The following SUN5 variants were observed in gnomAD, a reference collection of about 807,000 sequenced individuals.
SUN5 encodes SUN domain-containing protein 5.
Under a neutral mutation model 53.7 loss-of-function variants are expected in SUN5, and 44 were observed. The observed-to-expected ratio is 0.82, with a 90% confidence interval of 0.64 to 1.05. SUN5 has a LOEUF of 1.05. Among genes scored for constraint, SUN5 ranks in the 50% least tolerant of loss-of-function variants. The pLI, the probability that SUN5 is intolerant of heterozygous loss-of-function variation, is 0.00. For synonymous variants in SUN5, 166 were observed against 179.8 expected (o/e 0.92, Z 0.62); for missense variants, 433 against 483.8 (o/e 0.90, Z 0.98).
chr20:32,987,465 C>T (rs1344440433), intron 10 of SUN5, among the ~76,000 whole-genome samples, 195 bp downstream of exon 10: 2 of 150,270 alleles, frequency 1.3e-5, no homozygotes, highest in African/African-American at 2.5e-5. Flanking sequence ...TTCTCCCCAG[C>T]CCCCGCCTTG....
intron 4 of SUN5, 79 bp downstream of exon 4, chr20:33,001,133 A>C (rs1307057924): frequency 6.7e-7 from 1 of 1,495,018 alleles, no homozygotes; most frequent in Non-Finnish European, 9.1e-7. Context: ...GGGAGATCCA[A>C]ACTGATGGAG....
chr20:32,989,939 A>G (rs1989668705), intron 8 of SUN5, among the ~76,000 whole-genome samples: 1 of 152,154 alleles, frequency 6.6e-6, no homozygotes, highest in Admixed American at 6.5e-5. Flanking sequence ...GAGGTCCCGG[A>G]GTCTCAGTGA....
At chr20:33,001,774 T>C (rs1990053061) in intron 3 of SUN5, among the ~76,000 whole-genome samples, 1 of 150,320 alleles carries the variant, frequency 6.7e-6, no homozygotes, top group South Asian at 2.1e-4. Context: ...GTTCAAGCGA[T>C]TCTCTTGCCT....
chr20:32,984,322 G>A (rs1056664690), intron 12 of SUN5, among the ~76,000 whole-genome samples: 2 of 151,750 alleles, frequency 1.3e-5, no homozygotes, highest in East Asian at 1.9e-4. Context: ...GGGAACAGGC[G>A]GCCTCTAGAA....
intron 11 of SUN5, 112 bp downstream of exon 11, chr20:32,985,624 G>GT: frequency 2.2e-6 from 3 of 1,352,588 alleles, no homozygotes; most frequent in Non-Finnish European, 3.0e-6. Context: ...GCTGCATTCA[G>GT]CCCCTCCAGC....
chr20:32,999,966 G>A (rs1432750789), intron 5 of SUN5, 108 bp downstream of exon 5: 2 of 1,557,478 alleles, frequency 1.3e-6, no homozygotes, highest in East Asian at 2.4e-5. Context: ...TCAGGCAGAT[G>A]GGGAAACTGA....
chr20:32,999,897 G>T, intron 5 of SUN5, 177 bp downstream of exon 5: 1 of 1,545,324 alleles, frequency 6.5e-7, no homozygotes, highest in Non-Finnish European at 8.7e-7. Flanking sequence ...AGCATTTCTT[G>T]GCTTCTACAA....
At chr20:32,990,168 G>A (rs1989674898) in intron 8 of SUN5, among the ~76,000 whole-genome samples, 1 of 152,180 alleles carries the variant, frequency 6.6e-6, no homozygotes, top group Non-Finnish European at 1.5e-5. Context: ...TAAGAAGTAT[G>A]CACTATTATC....
chr20:32,991,052 C>G (rs2146328384), intron 8 of SUN5, among the ~76,000 whole-genome samples: 1 of 152,306 alleles, frequency 6.6e-6, no homozygotes, highest in Non-Finnish European at 1.5e-5. Flanking sequence ...AAATCCCCAA[C>G]TCCTCCCCTC....
intron 3 of SUN5, among the ~76,000 whole-genome samples, chr20:33,001,553 T>TCTTTCTTTCTTTCTTTCTTTCTTG (rs1990024162): frequency 7.2e-6 from 1 of 139,708 alleles, no homozygotes; most frequent in Non-Finnish European, 1.5e-5. Context: ...TTTCTTTCTT[T>TCTTTCTTTCTTTCTTTCTTTCTTG]CTTTCTTTCT....
chr20:32,984,598 C>A (rs907526498), intron 12 of SUN5, among the ~76,000 whole-genome samples: 4 of 152,226 alleles, frequency 2.6e-5, no homozygotes, highest in Admixed American at 2.6e-4. Context: ...GGCAGAAATT[C>A]GGGCCAGTAT....
intron 9 of SUN5, 135 bp from the exon 10 acceptor site, chr20:32,987,910 T>G (rs17123930): frequency 0.084 from 52,098 of 623,092 alleles, 4,944 homozygotes; most frequent in African/African-American, 0.38. Context: ...CTAGGAAATG[T>G]GATTACAGCC....
chr20:32,997,549 TG>T, intron 6 of SUN5, 88 bp downstream of exon 6: 1 of 1,472,302 alleles, frequency 6.8e-7, no homozygotes, highest in Non-Finnish European at 9.4e-7. Context: ...GGGCCCCATT[TG>T]GTGAGAATGA....
intron 4 of SUN5, 120 bp from the exon 5 acceptor site, chr20:33,000,255 C>T (rs1989965832): frequency 8.2e-7 from 1 of 1,217,996 alleles, no homozygotes; most frequent in African/African-American, 1.5e-5. Context: ...TTCTTCTCTC[C>T]CTGGTAAACG....
intron 10 of SUN5, among the ~76,000 whole-genome samples, chr20:32,986,841 C>A (rs774170132): frequency 4.6e-5 from 7 of 152,224 alleles, no homozygotes; most frequent in African/African-American, 1.4e-4. Flanking sequence ...CACCACCCCC[C>A]ACTCCCGGGC....
Position 33,001,022 on chromosome 20 carries a change from A to T in SUN5, c.278+190T>A, listed in dbSNP as rs73907338. ...GTGGGACAGGATTCCAGGACACTGC[A>T]GGCTGAGGGGCTGGAGCAATGGGGG... is the stretch of plus-strand genomic sequence containing the variant. On this transcript the variant is annotated intron_variant, in intron 4 of 12. Coordinates refer to ENST00000356173, the MANE Select transcript of SUN5 (RefSeq NM_080675.4). 9.7e-3 allele frequency among the ~76,000 whole-genome samples: 1,478 copies of T among 152,188 alleles called. 25 individuals carry two copies. The highest frequency in any genetic ancestry group is 0.034 in the African/African-American group (1,403 of 41,522).
At chr20:33,003,183 G>T (rs78752488) in intron 1 of SUN5, among the ~76,000 whole-genome samples, 4,464 of 152,180 alleles carry the variant, frequency 0.029, 226 homozygotes, top group African/African-American at 0.1. Context: ...TTGTTCCTTT[G>T]TCTGCTCCTA....
At chr20:32,985,408 G>A (rs1212198618) in intron 11 of SUN5, among the ~76,000 whole-genome samples, 1 of 152,026 alleles carries the variant, frequency 6.6e-6, no homozygotes, top group African/African-American at 2.4e-5. Flanking sequence ...GTAGGATTAG[G>A]GTGTTTCCCT....
intron 4 of SUN5, among the ~76,000 whole-genome samples, chr20:33,000,718 G>A (rs1600501687): frequency 6.6e-6 from 1 of 152,196 alleles, no homozygotes; most frequent in East Asian, 1.9e-4. Context: ...GGTGGTGTGT[G>A]CCTGTAGTCC....
Sources: gnomAD v4.1 joint callset for allele counts (sites outside exome capture counted in the v4.1 genomes callset) on GRCh38, gnomAD v4.1.1 for gene constraint, MANE v1.5 for transcripts, NCBI Gene and HGNC (gene_info 2026-07-23, HGNC 2026-07-21) for gene names.